DLGAP1: variants seen among roughly 807,000 people sequenced by gnomAD.
The protein encoded by DLGAP1 is disks large-associated protein 1.
DLGAP1 carries 11 observed loss-of-function variants against 90.8 expected under a neutral mutation model. That is an observed-to-expected ratio of 0.12 (90% CI 0.08 to 0.20). DLGAP1 has a LOEUF of 0.20. Ranked by LOEUF, DLGAP1 falls within the 10% of genes least tolerant of loss-of-function variation. DLGAP1 has a pLI of 1.00. For synonymous variants in DLGAP1, 558 were observed against 540.7 expected, an observed-to-expected ratio of 1.03 and a Z score of -0.44; for missense variants, 1,050 against 1,333.8, an observed-to-expected ratio of 0.79 and a Z score of 3.31.
intron 5 of DLGAP1, among the ~76,000 whole-genome samples, chr18:3,772,106 CTTTT>C (rs1261059941): frequency 6.0e-5 from 9 of 150,982 alleles, no homozygotes; most frequent in Admixed American, 5.3e-4. Flanking sequence ...TCTTTCTTTT[CTTTT>C]CTTTCCTTTC....
chr18:4,133,461 A>G (rs2076350394), intron 2 of DLGAP1, among the ~76,000 whole-genome samples: 2 of 152,188 alleles, frequency 1.3e-5, no homozygotes, highest in African/African-American at 4.8e-5. Flanking sequence ...GGTGAAATTA[A>G]TGGGATCTTT....
At chr18:4,121,216 C>G (rs2076148522) in intron 2 of DLGAP1, among the ~76,000 whole-genome samples, 1 of 152,012 alleles carries the variant, frequency 6.6e-6, no homozygotes, top group Admixed American at 6.6e-5. Context: ...ACATTCCAGA[C>G]AGAGGAAACA....
intron 7 of DLGAP1, among the ~76,000 whole-genome samples, chr18:3,625,027 G>A (rs2058240977): frequency 6.6e-6 from 1 of 152,198 alleles, no homozygotes. Flanking sequence ...CTAAACGCCT[G>A]AGTCGTGACT....
chr18:4,087,375 C>T (rs544766489), intron 2 of DLGAP1, among the ~76,000 whole-genome samples: 36 of 152,228 alleles, frequency 2.4e-4, no homozygotes, highest in African/African-American at 6.7e-4. Context: ...CCACCCAGGG[C>T]GGAAAACTGC....
At chr18:4,116,851 C>T (rs762805421) in intron 2 of DLGAP1, among the ~76,000 whole-genome samples, 2 of 152,286 alleles carry the variant, frequency 1.3e-5, no homozygotes, top group African/African-American at 2.4e-5. Context: ...TATTTAGGCT[C>T]CTTCAAAAGC....
chr18:3,680,784 G>C (rs1166501783), intron 7 of DLGAP1, among the ~76,000 whole-genome samples: 1 of 93,706 alleles, frequency 1.1e-5, no homozygotes, highest in Non-Finnish European at 1.8e-5. Context: ...GCGAGACTCC[G>C]TCTCAAAAAA....
intron 1 of DLGAP1, among the ~76,000 whole-genome samples, chr18:4,357,092 T>TGC: frequency 2.0e-4 from 1 of 5,026 alleles, no homozygotes; most frequent in Non-Finnish European, 5.7e-3. Flanking sequence ...TACGTGTGCG[T>TGC]GTGTGTGTGT....
At chr18:3,840,218 C>A (rs966213561) in intron 4 of DLGAP1, among the ~76,000 whole-genome samples, 2 of 152,198 alleles carry the variant, frequency 1.3e-5, no homozygotes, top group African/African-American at 4.8e-5. Context: ...CCACTATATT[C>A]TTTTGGCTGT....
At chr18:3,638,561 C>A (rs924316591) in intron 7 of DLGAP1, among the ~76,000 whole-genome samples, 5 of 152,172 alleles carry the variant, frequency 3.3e-5, no homozygotes, top group Non-Finnish European at 7.4e-5. Flanking sequence ...TTTCTCCCCC[C>A]ATCTTGTGAT....
At chr18:3,545,030 A>G (rs1430107217) in intron 9 of DLGAP1, among the ~76,000 whole-genome samples, 12 of 152,116 alleles carry the variant, frequency 7.9e-5, no homozygotes, top group Non-Finnish European at 1.8e-4. Flanking sequence ...GCATTTTGGG[A>G]GGCCGAGGTG....
At chr18:3,600,285 CTT>C (rs952818866) in intron 7 of DLGAP1, among the ~76,000 whole-genome samples, 1 of 151,862 alleles carries the variant, frequency 6.6e-6, no homozygotes, top group Non-Finnish European at 1.5e-5. Flanking sequence ...GAGTTTCTCT[CTT>C]GTCACCCAGG....
intron 2 of DLGAP1, among the ~76,000 whole-genome samples, chr18:4,115,097 T>G (rs553223678): frequency 5.3e-5 from 8 of 152,290 alleles, no homozygotes; most frequent in African/African-American, 1.9e-4. Flanking sequence ...TAACTTATCT[T>G]AATGATCTTT....
At chr18:3,598,182 C>T (rs1275869870) in intron 7 of DLGAP1, 2 of 152,182 alleles carry the variant, frequency 1.3e-5, no homozygotes, top group Non-Finnish European at 2.9e-5. Flanking sequence ...GTGAACCTGT[C>T]TCTACTAAAA....
intron 7 of DLGAP1, among the ~76,000 whole-genome samples, chr18:3,625,843 A>C (rs1340160714): frequency 6.6e-6 from 1 of 152,232 alleles, no homozygotes; most frequent in African/African-American, 2.4e-5. Flanking sequence ...TTGAACTACC[A>C]ATGTTGAACT....
rs2144964784 is a variant in DLGAP1, at chr18:4,220,444, G to T, written c.-266-69157C>A. On this transcript the variant is annotated intron_variant, in intron 1 of 12. Coordinates refer to ENST00000315677, the MANE Select transcript of DLGAP1 (RefSeq NM_004746.4). ...CAACTGGGTTATTTTGCCTCCATTT[G>T]TGCAAGCACAGGTGGGGAAATCAGA... Among the ~76,000 whole-genome samples, 4 of 152,210 alleles carry T rather than the reference G, an allele frequency of 2.6e-5. No homozygotes were observed. In the South Asian group the frequency reaches 8.3e-4, roughly 32 times the overall value.
chr18:4,329,263 C>T (rs1394080959), intron 1 of DLGAP1, among the ~76,000 whole-genome samples: 1 of 151,866 alleles, frequency 6.6e-6, no homozygotes, highest in African/African-American at 2.4e-5. Flanking sequence ...TTTGAAAAAA[C>T]GAAGATTTCT....
chr18:4,345,730 G>T (rs762684768), intron 1 of DLGAP1, among the ~76,000 whole-genome samples: 1 of 152,164 alleles, frequency 6.6e-6, no homozygotes, highest in Admixed American at 6.5e-5. Flanking sequence ...CACCTCAATC[G>T]ATGTTCAATG....
At chr18:3,639,579 C>T (rs1001216419) in intron 7 of DLGAP1, among the ~76,000 whole-genome samples, 1 of 151,900 alleles carries the variant, frequency 6.6e-6, no homozygotes, top group Non-Finnish European at 1.5e-5. Context: ...AAAGGAATCA[C>T]AGCCCATTGG....
chr18:3,795,889 T>A (rs1298322768), intron 5 of DLGAP1, among the ~76,000 whole-genome samples: 1 of 152,158 alleles, frequency 6.6e-6, no homozygotes, highest in Non-Finnish European at 1.5e-5. Flanking sequence ...TTTGTTATCC[T>A]TGTATTGTAT....
Sources: allele counts gnomAD v4.1 joint callset (sites outside exome capture counted in the v4.1 genomes callset), GRCh38; gene constraint gnomAD v4.1.1; transcripts MANE v1.5; gene names NCBI Gene and HGNC (gene_info 2026-07-23, HGNC 2026-07-21).